The following PIK3CA variants were observed in gnomAD, a reference collection of about 807,000 sequenced individuals.
PIK3CA encodes phosphatidylinositol-4,5-bisphosphate 3-kinase catalytic subunit alpha, also known as phosphatidylinositol 4,5-bisphosphate 3-kinase catalytic subunit alpha isoform.
PIK3CA carries 27 observed loss-of-function variants against 138.2 expected under a neutral mutation model. The observed-to-expected ratio is 0.20, with a 90% confidence interval of 0.14 to 0.27. The LOEUF (loss-of-function observed/expected upper bound fraction) is 0.27. PIK3CA is among the 10% of genes least tolerant of loss of function. PIK3CA has a pLI of 1.00. For synonymous variants in PIK3CA, 358 were observed against 413.2 expected, an observed-to-expected ratio of 0.87 and a Z score of 1.62; for missense variants, 544 against 1,277.4, an observed-to-expected ratio of 0.43 and a Z score of 8.75.
chr3:179,201,589 C>G (rs1724410590), intron 4 of PIK3CA, 49 bp downstream of exon 4: 2 of 1,163,382 alleles, frequency 1.7e-6, no homozygotes, highest in African/African-American at 3.3e-5. Flanking sequence ...AAAGTAATCA[C>G]ATTGAGGATG....
chr3:179,207,598 G>A (rs967351607), intron 6 of PIK3CA, among the ~76,000 whole-genome samples: 38 of 150,210 alleles, frequency 2.5e-4, no homozygotes, highest in African/African-American at 8.6e-4. Context: ...CCAGGCTGGA[G>A]TGCATGGCAC....
rs1258117641 is a variant in PIK3CA at position 179,203,645 on chromosome 3, A to G, written c.915A>G (p.Pro305=). The G allele has an allele frequency of 1.2e-6, 2 of 1,613,882 alleles. No homozygotes were observed. The highest frequency in any genetic ancestry group is 1.3e-5 in the African/African-American group (1 of 74,928). ...SQLPMDCFTM[P]SYSRRISTAT... is the part of the protein sequence containing the mutation. Reference sequence around the variant, plus strand: ...TGCCAATGGACTGTTTTACAATGCCATCTTATTCCAGACGCATTTCCACAG... The same window carrying G: ...TGCCAATGGACTGTTTTACAATGCCGTCTTATTCCAGACGCATTTCCACAG... The change falls in exon 5 of 21, where the codon CCA becomes CCG. Residue 305 remains proline (P), a synonymous_variant. Transcript: ENST00000263967.
chr3:179,162,019 G>A (rs1371708433), intron 1 of PIK3CA, among the ~76,000 whole-genome samples: 4 of 152,064 alleles, frequency 2.6e-5, no homozygotes, highest in Admixed American at 1.3e-4. Context: ...GTGATTGTAC[G>A]GTCAACGTTT....
intron 7 of PIK3CA, 103 bp from the exon 8 acceptor site, chr3:179,210,083 A>G: frequency 1.2e-6 from 1 of 833,342 alleles, no homozygotes; most frequent in South Asian, 1.9e-5. Flanking sequence ...AGATATTCCC[A>G]TTATTATAGA....
At chr3:179,224,560 C>G in intron 15 of PIK3CA, 140 bp from the exon 16 acceptor site, 1 of 505,600 alleles carries the variant, frequency 2.0e-6, no homozygotes, top group Non-Finnish European at 3.3e-6. Context: ...GGAATGGATT[C>G]CTAAATAAAA....
In PIK3CA at chr3:179,221,073, C is replaced by T. The variant is rs762364388; in HGVS notation, c.2103C>T (p.His701=). The stretch of plus-strand genomic sequence containing the variant: ...GTGCATGTGGGATGTATTTGAAGCA[C>T]CTGAATAGGCAAGTCGAGGCAATGG... ...YCRACGMYLK[H]LNRQVEAMEK... Residue 701 remains histidine, a synonymous_variant, in exon 14 of 21, where the codon CAC becomes CAT. Transcript: ENST00000263967. 18 of 1,612,516 alleles carry T rather than the reference C, an allele frequency of 1.1e-5. No individual in the cohort carries two copies. In the African/African-American group the frequency reaches 2.0e-4, roughly 18 times the overall value.
chr3:179,187,046 T>C (rs1312601857), intron 1 of PIK3CA, among the ~76,000 whole-genome samples: 3 of 152,196 alleles, frequency 2.0e-5, no homozygotes, highest in Non-Finnish European at 2.9e-5. Flanking sequence ...GTGTTTTTTT[T>C]TTCCTAATTT....
In PIK3CA at chr3:179,234,019, T is replaced by C. The variant is rs992945219; in HGVS notation, c.2937-75T>C. ...GTCTACGAAAGCCTCTCTAATTTTG[T>C]GACATTTGAGCAAAGACCTGAAGGT... On this transcript the variant is annotated intron_variant, in intron 20 of 20. Coordinates refer to ENST00000263967, the MANE Select transcript of PIK3CA (RefSeq NM_006218.4). This position sits in a 1 kb window ranked among gnomAD's most constrained non-coding sequence, Gnocchi z 5.1. 54 of 1,044,146 alleles carry C rather than the reference T, an allele frequency of 5.2e-5. No homozygotes were observed. In the African/African-American group the frequency reaches 7.6e-4, roughly 15 times the overall value. 64.7% of individuals were successfully genotyped at this position (1,044,146 alleles called of 1,614,324 possible).
At chr3:179,166,528 AT>A (rs1445501244) in intron 1 of PIK3CA, among the ~76,000 whole-genome samples, 1 of 152,164 alleles carries the variant, frequency 6.6e-6, no homozygotes, top group Non-Finnish European at 1.5e-5. Context: ...ATATTAAGCC[AT>A]TTGTCTCTCA....
intron 6 of PIK3CA, 37 bp from the exon 7 acceptor site, chr3:179,209,558 T>C: frequency 1.6e-6 from 2 of 1,266,848 alleles, no homozygotes; most frequent in Admixed American, 1.8e-5. Context: ...TGAAGACTTT[T>C]CTTGATGTAT....
chr3:179,177,034 A>G (rs1723714192), intron 1 of PIK3CA, among the ~76,000 whole-genome samples: 1 of 152,142 alleles, frequency 6.6e-6, no homozygotes, highest in African/African-American at 2.4e-5. Flanking sequence ...TGCATTTTTA[A>G]ATATTTTCTT....
At chr3:179,165,702 T>G (rs181807192) in intron 1 of PIK3CA, among the ~76,000 whole-genome samples, 1 of 152,344 alleles carries the variant, frequency 6.6e-6, no homozygotes, top group East Asian at 1.9e-4. Flanking sequence ...CCTTCTTTTC[T>G]GTGCTCATTT....
At chr3:179,208,509 A>G (rs1442899592) in intron 6 of PIK3CA, among the ~76,000 whole-genome samples, 1 of 152,206 alleles carries the variant, frequency 6.6e-6, no homozygotes, top group Admixed American at 6.5e-5. Flanking sequence ...AGACAAAGCA[A>G]GGGTCACACA....
At chr3:179,156,338 G>C (rs1330825828) in intron 1 of PIK3CA, among the ~76,000 whole-genome samples, 1 of 152,148 alleles carries the variant, frequency 6.6e-6, no homozygotes, top group African/African-American at 2.4e-5. Flanking sequence ...ATTGAGAGTA[G>C]GTCATCTACT....
intron 1 of PIK3CA, among the ~76,000 whole-genome samples, chr3:179,171,117 A>C (rs1723548567): frequency 6.7e-6 from 1 of 149,102 alleles, no homozygotes; most frequent in Admixed American, 6.7e-5. Context: ...AAAGGAATTA[A>C]AAATCATGGA....
rs181197701 is a variant in PIK3CA at position 179,236,402 on chromosome 3, C to T, written c.*2038C>T. 4.7e-6 allele frequency: 1 copy of T among 211,602 alleles called. No homozygotes were observed. Among genetic ancestry groups the T allele is most frequent in the Admixed American group, 5.9e-5 (1 of 16,916 alleles). The allele number at this position is 211,602 out of a possible 1,614,324, so 13.1% of individuals were successfully genotyped here. A position where few individuals can be genotyped will look rare whatever the true frequency, so the allele number is the denominator to read the frequency against. On this transcript the variant is annotated 3_prime_UTR_variant, in exon 21 of 21. Coordinates refer to ENST00000263967, the MANE Select transcript of PIK3CA (RefSeq NM_006218.4). The stretch of plus-strand genomic sequence containing the variant: ...TTCATAACTTATTAAAACTTATTAA[C>T]ATTTTGTGTTGTTTAGATATAGGCA...
chr3:179,170,205 C>T (rs1467510966), intron 1 of PIK3CA, among the ~76,000 whole-genome samples: 1 of 152,218 alleles, frequency 6.6e-6, no homozygotes, highest in Admixed American at 6.5e-5. Context: ...CTCGCATTGT[C>T]ATTCATATTA....
At chr3:179,197,273 G>A (rs1015611035) in intron 1 of PIK3CA, among the ~76,000 whole-genome samples, 8 of 152,032 alleles carry the variant, frequency 5.3e-5, no homozygotes, top group Admixed American at 1.3e-4. Flanking sequence ...TCCTGACCTC[G>A]TGATCTGCCC....
At chr3:179,198,366 T>A (rs1724320286) in intron 1 of PIK3CA, among the ~76,000 whole-genome samples, 1 of 152,208 alleles carries the variant, frequency 6.6e-6, no homozygotes, top group African/African-American at 2.4e-5. Flanking sequence ...GCCTAAATTC[T>A]GTTTTTCCGT....
Sources: allele counts gnomAD v4.1 joint callset (sites outside exome capture counted in the v4.1 genomes callset), GRCh38; gene constraint gnomAD v4.1.1; non-coding constraint Gnocchi (gnomAD v3.1); transcripts MANE v1.5; gene names NCBI Gene and HGNC (gene_info 2026-07-23, HGNC 2026-07-21).